HERC4: variants seen among roughly 807,000 people sequenced by gnomAD.
HERC4 encodes the protein probable E3 ubiquitin-protein ligase HERC4.
Under a neutral mutation model 124.3 loss-of-function variants are expected in HERC4, and 28 were observed. The observed-to-expected ratio is 0.23, with a 90% CI of 0.17 to 0.31. HERC4 has a LOEUF of 0.31. HERC4 is among the 10% of genes least tolerant of loss of function. The pLI, the probability that HERC4 is intolerant of heterozygous loss-of-function variation, is 1.00. For missense variants in HERC4, 713 were observed against 1,229.3 expected (o/e 0.58, Z 6.28); for synonymous variants, 407 against 421.5 (o/e 0.97, Z 0.42).
chr10:68,035,861 C>T (rs142955574), intron 5 of HERC4, among the ~76,000 whole-genome samples: 115 of 152,294 alleles, frequency 7.6e-4, no homozygotes, highest in Middle Eastern at 3.4e-3. Context: ...GGTCTAGTAC[C>T]GCTGTCCTAT....
At chr10:68,020,890 C>T (rs1317907090) in intron 8 of HERC4, among the ~76,000 whole-genome samples, 1 of 151,488 alleles carries the variant, frequency 6.6e-6, no homozygotes, top group Non-Finnish European at 1.5e-5. Flanking sequence ...AAAGATAGGA[C>T]AGTTGCAATT....
At chr10:68,021,277 G>A (rs1029496242) in intron 8 of HERC4, among the ~76,000 whole-genome samples, 3 of 152,140 alleles carry the variant, frequency 2.0e-5, no homozygotes, top group East Asian at 1.9e-4. Flanking sequence ...CTATGACCAC[G>A]ACCAAGTGAG....
chr10:67,922,303 T>TA lies in HERC4; in HGVS notation c.*627dup, dbSNP rs1161849936. 1 of 152,194 alleles carries TA rather than the reference T, an allele frequency of 6.6e-6. No homozygotes were observed. The highest frequency in any genetic ancestry group is 1.5e-5 in the Non-Finnish European group (1 of 68,016). 9.4% of individuals were successfully genotyped at this position (152,194 alleles called of 1,614,324 possible). ...AAGAAAAGAACTGCAGGTTATGTAG[T>TA]ATATTCCCTATCTGTGATTTAGGTT... is the stretch of plus-strand genomic sequence containing the variant. On this transcript the variant is annotated 3_prime_UTR_variant, in exon 25 of 25. Transcript: ENST00000373700.
intron 23 of HERC4, 69 bp downstream of exon 23, chr10:67,932,528 C>A: frequency 7.3e-7 from 1 of 1,365,638 alleles, no homozygotes; most frequent in Non-Finnish European, 1.0e-6. Flanking sequence ...AAAAATAATA[C>A]ATAAAAAGGC....
intron 8 of HERC4, among the ~76,000 whole-genome samples, chr10:68,018,136 C>T (rs774693183): frequency 2.0e-5 from 3 of 151,450 alleles, no homozygotes; most frequent in Non-Finnish European, 4.4e-5. Context: ...TAAGAGTCAA[C>T]AGAATATTCA....
intron 5 of HERC4, among the ~76,000 whole-genome samples, chr10:68,037,717 T>C (rs2039551003): frequency 6.6e-6 from 1 of 152,070 alleles, no homozygotes; most frequent in Admixed American, 6.6e-5. Context: ...ATCAAATACC[T>C]AGGGGAAAGT....
chr10:67,946,908 A>C (rs569179318), intron 19 of HERC4, among the ~76,000 whole-genome samples: 1 of 152,100 alleles, frequency 6.6e-6, no homozygotes, highest in African/African-American at 2.4e-5. Context: ...CTCTGTCTCA[A>C]AACAAAACAA....
At chr10:68,044,984 C>T (rs2039946605) in intron 3 of HERC4, among the ~76,000 whole-genome samples, 1 of 152,044 alleles carries the variant, frequency 6.6e-6, no homozygotes, top group Non-Finnish European at 1.5e-5. Flanking sequence ...TCATAACTGA[C>T]ACATATATTA....
intron 24 of HERC4, among the ~76,000 whole-genome samples, chr10:67,923,470 A>G (rs1465312210): frequency 6.6e-6 from 1 of 152,142 alleles, no homozygotes; most frequent in African/African-American, 2.4e-5. Context: ...CCAAATACAA[A>G]ATGCAGTTTT....
rs2038861028 is a variant in HERC4, at chr10:68,025,632, C to T, written c.822G>A (p.Leu274=). 2 of 1,613,460 alleles carry T rather than the reference C, an allele frequency of 1.2e-6. No homozygotes were observed. The highest frequency in any genetic ancestry group is 1.7e-6 in the Non-Finnish European group (2 of 1,179,758). The change falls in exon 8 of 25, where the codon TTG becomes TTA. Residue 274 remains leucine (L), a synonymous_variant. Transcript: ENST00000373700. ...FTFGAGGYGQ[L]GHNSTSHEIN... The stretch of plus-strand genomic sequence containing the variant: ...TTTCATGACTGGTAGAATTATGGCC[C>T]AACTGACCATACCCTCCAGCTCCAA...
intron 9 of HERC4, chr10:67,993,371 A>C (rs1293293047): frequency 6.6e-6 from 1 of 151,960 alleles, no homozygotes; most frequent in African/African-American, 2.4e-5. Context: ...GAAAGAATTG[A>C]ACTGGGCTAC....
At chr10:67,971,849 C>T (rs574742227) in intron 15 of HERC4, among the ~76,000 whole-genome samples, 11 of 152,176 alleles carry the variant, frequency 7.2e-5, no homozygotes, top group African/African-American at 2.6e-4. Context: ...ATGAATCAAT[C>T]TATAAGAGAA....
chr10:67,965,590 TA>T (rs2034814059), intron 16 of HERC4: 1 of 151,860 alleles, frequency 6.6e-6, no homozygotes, highest in Admixed American at 6.6e-5. Flanking sequence ...AAGGTGGGAG[TA>T]TCCTAAAAAC....
chr10:67,966,931 T>A, intron 15 of HERC4, 129 bp from the exon 16 acceptor site: 1 of 550,720 alleles, frequency 1.8e-6, no homozygotes, highest in South Asian at 2.8e-5. Flanking sequence ...CTCAGCTCAC[T>A]GCAAGCTCTG....
intron 3 of HERC4, among the ~76,000 whole-genome samples, chr10:68,062,484 G>C (rs2041076698): frequency 6.6e-6 from 1 of 152,072 alleles, no homozygotes; most frequent in African/African-American, 2.4e-5. Context: ...GCCGGGCACG[G>C]TGGCTCACGC....
At chr10:68,026,581 C>T (rs779071732) in intron 7 of HERC4, among the ~76,000 whole-genome samples, 38 of 152,032 alleles carry the variant, frequency 2.5e-4, no homozygotes, top group Non-Finnish European at 3.2e-4. Flanking sequence ...TGGTGGCTCA[C>T]GCCTGTAATC....
intron 4 of HERC4, chr10:68,040,314 G>A: frequency 1.0e-6 from 1 of 968,172 alleles, no homozygotes; most frequent in Non-Finnish European, 1.2e-6. Flanking sequence ...TCATTACTGT[G>A]TTAAAGAAAA....
chr10:68,023,762 T>C (rs1367848216), intron 8 of HERC4, among the ~76,000 whole-genome samples: 1 of 152,196 alleles, frequency 6.6e-6, no homozygotes, highest in African/African-American at 2.4e-5. Context: ...TGACTATTTA[T>C]ATTTTTAAAA....
At chr10:67,992,763 A>T in intron 9 of HERC4, 81 bp from the exon 10 acceptor site, 1 of 703,910 alleles carries the variant, frequency 1.4e-6, no homozygotes, top group Non-Finnish European at 2.4e-6. Context: ...AGATTTTCAC[A>T]TAATCATCTT....
Sources: allele counts gnomAD v4.1 joint callset (sites outside exome capture counted in the v4.1 genomes callset), GRCh38; gene constraint gnomAD v4.1.1; transcripts MANE v1.5; gene names NCBI Gene and HGNC (gene_info 2026-07-23, HGNC 2026-07-21).